The following SNIP1 variants were observed in gnomAD, a reference collection of about 807,000 sequenced individuals.
SNIP1 encodes smad nuclear-interacting protein 1.
A neutral mutation model predicts 37.4 loss-of-function variants in SNIP1; 23 were observed. The observed-to-expected ratio is 0.61, with a 90% CI of 0.44 to 0.87. SNIP1 has a LOEUF of 0.87. Among genes scored for constraint, SNIP1 ranks in the 40% least tolerant of loss-of-function variants. SNIP1 has a pLI of 0.00. For synonymous variants in SNIP1, 174 were observed against 200.0 expected (o/e 0.87, Z 1.10); for missense variants, 459 against 540.4 (o/e 0.85, Z 1.49).
intron 2 of SNIP1, among the ~76,000 whole-genome samples, chr1:37,548,649 G>A (rs937883193): frequency 2.0e-5 from 3 of 148,230 alleles, no homozygotes; most frequent in African/African-American, 7.4e-5. Flanking sequence ...TGAGGCAGGA[G>A]AATCCCTTGA....
intron 2 of SNIP1, among the ~76,000 whole-genome samples, chr1:37,543,008 T>G (rs571793259): frequency 1.1e-4 from 17 of 150,682 alleles, no homozygotes; most frequent in Non-Finnish European, 2.4e-4. Flanking sequence ...TGAAGTGAGC[T>G]ATGATCATAC....
chr1:37,547,255 A>G (rs1643250301), intron 2 of SNIP1, among the ~76,000 whole-genome samples: 1 of 152,206 alleles, frequency 6.6e-6, no homozygotes, highest in South Asian at 2.1e-4. Flanking sequence ...TCATGGGAGA[A>G]GGCCATGTGA....
At chr1:37,552,548 ATGTGTGCAC>A in intron 2 of SNIP1, 88 bp downstream of exon 2, 1 of 1,010,140 alleles carries the variant, frequency 9.9e-7, no homozygotes, top group South Asian at 1.3e-5. Context: ...GTACGTGCAC[ATGTGTGCAC>A]ACACACAACA....
intron 2 of SNIP1, among the ~76,000 whole-genome samples, chr1:37,544,265 T>C (rs1046231758): frequency 1.3e-5 from 2 of 150,456 alleles, no homozygotes; most frequent in African/African-American, 4.9e-5. Context: ...GCCAAGATGG[T>C]GAAACCCTGT....
intron 2 of SNIP1, among the ~76,000 whole-genome samples, chr1:37,549,201 G>T (rs1412569571): frequency 1.3e-5 from 2 of 151,594 alleles, no homozygotes; most frequent in African/African-American, 4.9e-5. Context: ...TGAACATTTG[G>T]ACACTCATTT....
chr1:37,545,417 G>C (rs948627473), intron 2 of SNIP1: 1 of 412,372 alleles, frequency 2.4e-6, no homozygotes, highest in Non-Finnish European at 4.7e-6. Flanking sequence ...ATCCACTTAA[G>C]CTGATTTGTA....
At chr1:37,541,296 T>A (rs1164041725) in intron 2 of SNIP1, 1 of 152,202 alleles carries the variant, frequency 6.6e-6, no homozygotes, top group East Asian at 1.9e-4. Flanking sequence ...TAAAAATTCA[T>A]TAAAATAAAT....
rs552297494 is a variant in SNIP1 at position 37,536,425 on chromosome 1, A to G, written c.*1323T>C. 7.2e-5 allele frequency: 11 copies of G among 152,358 alleles called. No homozygotes were observed. Among genetic ancestry groups the G allele is most frequent in the African/African-American group, 2.6e-4 (11 of 41,568 alleles). 9.4% of individuals were successfully genotyped at this position (152,358 alleles called of 1,614,324 possible). A position where few individuals can be genotyped will look rare whatever the true frequency, so the allele number is the denominator to read the frequency against. On this transcript the variant is annotated 3_prime_UTR_variant, in exon 4 of 4. Transcript: ENST00000296215. The stretch of plus-strand genomic sequence containing the variant: ...GATATAACCTGCCCCACAACACTCT[A>G]AAACAGCTACCTACTTTTATCTCAA...
intron 1 of SNIP1, among the ~76,000 whole-genome samples, chr1:37,553,120 T>G (rs1395688387): frequency 6.6e-6 from 1 of 152,204 alleles, no homozygotes; most frequent in East Asian, 1.9e-4. Context: ...CATCCTGTGG[T>G]TCTACTTCCT....
At chr1:37,553,385 A>C (rs1268770184) in intron 1 of SNIP1, among the ~76,000 whole-genome samples, 2 of 152,194 alleles carry the variant, frequency 1.3e-5, no homozygotes, top group Non-Finnish European at 2.9e-5. Flanking sequence ...TATCAATAAT[A>C]CTTGTTACTA....
intron 2 of SNIP1, among the ~76,000 whole-genome samples, chr1:37,547,061 T>C (rs1050381791): frequency 2.0e-5 from 3 of 152,232 alleles, no homozygotes; most frequent in African/African-American, 7.2e-5. Context: ...GTCATTTCCT[T>C]AGTAATTTTC....
intron 2 of SNIP1, among the ~76,000 whole-genome samples, chr1:37,546,725 T>A (rs974049379): frequency 1.3e-5 from 2 of 152,088 alleles, no homozygotes; most frequent in Admixed American, 1.3e-4. Flanking sequence ...AAAATTCAGT[T>A]CCCAATTCCT....
chr1:37,546,202 T>TA (rs1216839520), intron 2 of SNIP1, among the ~76,000 whole-genome samples: 1 of 150,438 alleles, frequency 6.6e-6, no homozygotes, highest in African/African-American at 2.5e-5. Context: ...GCTGCTTGCT[T>TA]AGAGTGGGAC....
chr1:37,538,776 C>T (rs1235017320), intron 3 of SNIP1, among the ~76,000 whole-genome samples: 2 of 152,022 alleles, frequency 1.3e-5, no homozygotes, highest in African/African-American at 4.8e-5. Flanking sequence ...TGGCAGGGGT[C>T]CCCAGCTCCT....
At chr1:37,538,853 G>A (rs1002787971) in intron 3 of SNIP1, among the ~76,000 whole-genome samples, 4 of 151,962 alleles carry the variant, frequency 2.6e-5, no homozygotes, top group South Asian at 2.1e-4. Flanking sequence ...GGTGAGCAGC[G>A]GGCAAGCAGG....
chr1:37,553,978 G>A lies in SNIP1; in HGVS notation c.224+28C>T, dbSNP rs367732247. The A allele has an allele frequency of 1.0e-4, 159 of 1,548,518 alleles. 1 individual carries two copies. Among genetic ancestry groups the A allele is most frequent in the Middle Eastern group, 4.5e-4 (2 of 4,430 alleles). ...CCTTTCTGAATGAGCCCAACCCAATGTCCATCCTGGACTGCTCCCCCACTT... is the reference window on the plus strand; with the variant it reads ...CCTTTCTGAATGAGCCCAACCCAATATCCATCCTGGACTGCTCCCCCACTT... On this transcript the variant is annotated intron_variant, in intron 1 of 3. Coordinates refer to ENST00000296215, the MANE Select transcript of SNIP1 (RefSeq NM_024700.4).
chr1:37,537,016 C>G lies in SNIP1; in HGVS notation c.*732G>C, dbSNP rs1643106230. 1 of 152,176 alleles carries G rather than the reference C, an allele frequency of 6.6e-6. No homozygotes were observed. Among genetic ancestry groups the G allele is most frequent in the Admixed American group, 6.6e-5 (1 of 15,266 alleles). The allele number at this position is 152,176 out of a possible 1,614,324, so 9.4% of individuals were successfully genotyped here. A position where few individuals can be genotyped will look rare whatever the true frequency, so the allele number is the denominator to read the frequency against. ...TTGTGTACATGCTCCATGGAGAAAT[C>G]AGGAATTCTTTCACAAAGAACAGAT... On this transcript the variant is annotated 3_prime_UTR_variant, in exon 4 of 4. Coordinates refer to ENST00000296215, the MANE Select transcript of SNIP1 (RefSeq NM_024700.4).
In SNIP1 at chr1:37,540,822, C is replaced by A; in HGVS notation, c.328-67G>T. On this transcript the variant is annotated intron_variant, in intron 2 of 3. Coordinates refer to ENST00000296215, the MANE Select transcript of SNIP1 (RefSeq NM_024700.4). The surrounding 1 kb of genome is among the most constrained non-coding windows in gnomAD (Gnocchi z 5.6). Reference sequence around the variant, plus strand: ...ATCTAAAGGCAGCCCAAATCTTGTTCTTTTTGAACGAAGTGCATGCAAAAA... The same window carrying A: ...ATCTAAAGGCAGCCCAAATCTTGTTATTTTTGAACGAAGTGCATGCAAAAA... 3 of 1,444,470 alleles carry A rather than the reference C, an allele frequency of 2.1e-6. No individual in the cohort carries two copies. Among genetic ancestry groups the A allele is most frequent in the Non-Finnish European group, 2.8e-6 (3 of 1,084,416 alleles). 89.5% of individuals were successfully genotyped at this position (1,444,470 alleles called of 1,614,324 possible).
intron 2 of SNIP1, among the ~76,000 whole-genome samples, chr1:37,542,273 G>C (rs215196): frequency 2.0e-5 from 3 of 152,202 alleles, no homozygotes; most frequent in South Asian, 2.1e-4. Flanking sequence ...TCACGTTCCT[G>C]GTGGGACAGC....
Sources: gnomAD v4.1 joint callset for allele counts (sites outside exome capture counted in the v4.1 genomes callset) on GRCh38, gnomAD v4.1.1 for gene constraint, Gnocchi (gnomAD v3.1) non-coding constraint, MANE v1.5 for transcripts, NCBI Gene and HGNC (gene_info 2026-07-23, HGNC 2026-07-21) for gene names.